The following DNAH6 variants were observed in gnomAD, a reference collection of about 807,000 sequenced individuals.
DNAH6 encodes axonemal beta dynein heavy chain 6.
DNAH6 carries 340 observed loss-of-function variants against 491.4 expected under a neutral mutation model. The observed-to-expected ratio is 0.69, with a 90% CI of 0.63 to 0.76. The LOEUF (loss-of-function observed/expected upper bound fraction) is 0.76, where lower values mean the gene tolerates loss of function less well. Among genes scored for constraint, DNAH6 ranks in the 30% least tolerant of loss-of-function variants. The pLI, the probability that DNAH6 is intolerant of heterozygous loss-of-function variation, is 0.00. For missense variants in DNAH6, 4,443 were observed against 4,972.2 expected (o/e 0.89, Z 3.20); for synonymous variants, 1,603 against 1,686.1 (o/e 0.95, Z 1.21).
chr2:84,496,180 C>A, the DNAH6 span, among the ~76,000 whole-genome samples: 1 of 152,194 alleles, frequency 6.6e-6, no homozygotes, highest in Non-Finnish European at 1.5e-5. Flanking sequence ...AAAACTAAAT[C>A]TTTCAGCAGT....
At chr2:84,581,837 AGAG>A (rs948016785) in intron 14 of DNAH6, among the ~76,000 whole-genome samples, 8 of 152,220 alleles carry the variant, frequency 5.3e-5, no homozygotes, top group African/African-American at 1.9e-4. Flanking sequence ...GGGGACAGTG[AGAG>A]GAGAATGAGG....
At chr2:84,518,078 C>T (rs1324986893) in intron 2 of DNAH6, 27 bp downstream of exon 2, 5 of 1,493,718 alleles carry the variant, frequency 3.3e-6, no homozygotes, top group Non-Finnish European at 3.6e-6. Flanking sequence ...TTGTTTTAGC[C>T]TCTGTAGCCA....
chr2:84,483,242 G>A, the DNAH6 span, among the ~76,000 whole-genome samples: 6 of 152,102 alleles, frequency 3.9e-5, no homozygotes, highest in South Asian at 4.1e-4. Flanking sequence ...GGGATTACAC[G>A]TGTGAACCAC....
intron 46 of DNAH6, among the ~76,000 whole-genome samples, chr2:84,697,100 C>T (rs1229824508): frequency 6.6e-6 from 1 of 152,118 alleles, no homozygotes; most frequent in East Asian, 1.9e-4. Context: ...TTGGTAATCT[C>T]ACTCCTGGGA....
At chr2:84,687,635 C>A (rs1337743950) in intron 44 of DNAH6, among the ~76,000 whole-genome samples, 1 of 152,010 alleles carries the variant, frequency 6.6e-6, no homozygotes, top group African/African-American at 2.4e-5. Flanking sequence ...GGAATACACA[C>A]AGAAAAAAAA....
the DNAH6 span, among the ~76,000 whole-genome samples, chr2:84,468,831 A>C: frequency 2.6e-5 from 4 of 152,210 alleles, no homozygotes; most frequent in Non-Finnish European, 4.4e-5. Flanking sequence ...CATGAACCCT[A>C]AAATTTCTGT....
At chr2:84,464,298 A>AT in the DNAH6 span, among the ~76,000 whole-genome samples, 1 of 152,202 alleles carries the variant, frequency 6.6e-6, no homozygotes, top group Non-Finnish European at 1.5e-5. Flanking sequence ...TCGCCAAAAC[A>AT]TACCATTTAG....
intron 64 of DNAH6, among the ~76,000 whole-genome samples, chr2:84,767,151 T>G (rs1165363077): frequency 6.6e-6 from 1 of 152,196 alleles, no homozygotes; most frequent in Non-Finnish European, 1.5e-5. Flanking sequence ...ACATTAATTT[T>G]AAGATAACTT....
chr2:84,626,654 A>T (rs1272759935), intron 29 of DNAH6, among the ~76,000 whole-genome samples: 1 of 151,924 alleles, frequency 6.6e-6, no homozygotes, highest in African/African-American at 2.4e-5. Context: ...ATTGCCCAGG[A>T]TGCAGTGGCT....
rs1680161993 is a variant in DNAH6, at chr2:84,813,150, A to T, written c.11998+20A>T. On this transcript the variant is annotated intron_variant, in intron 74 of 76. Transcript: ENST00000389394. ...TAACAGGTACCAGCGCTTTCTAGAA[A>T]AACCCCATAGGAATGGCCATGACTT... The T allele has an allele frequency of 1.3e-6, 2 of 1,535,838 alleles. No homozygotes were observed. Among genetic ancestry groups the T allele is most frequent in the Admixed American group, 2.0e-5 (1 of 50,960 alleles).
At chr2:84,786,195 A>G (rs1270763235) in intron 67 of DNAH6, among the ~76,000 whole-genome samples, 5 of 152,176 alleles carry the variant, frequency 3.3e-5, no homozygotes, top group Non-Finnish European at 7.3e-5. Context: ...GGAGGCCAAC[A>G]TGGGCAATTC....
At chr2:84,497,717 CAT>C in the DNAH6 span, among the ~76,000 whole-genome samples, 18 of 152,138 alleles carry the variant, frequency 1.2e-4, no homozygotes, top group African/African-American at 2.7e-4. Flanking sequence ...AGTATGATAA[CAT>C]ATTTTTATGA....
At chr2:84,579,706 A>G (rs1315436208) in intron 14 of DNAH6, 27 bp downstream of exon 14, 8 of 1,522,532 alleles carry the variant, frequency 5.3e-6, no homozygotes, top group African/African-American at 2.8e-5. Flanking sequence ...ATATAACTCA[A>G]TATTCCAGAT....
chr2:84,648,746 A>G (rs1157080462), intron 33 of DNAH6, among the ~76,000 whole-genome samples: 2 of 152,230 alleles, frequency 1.3e-5, no homozygotes, highest in Admixed American at 1.3e-4. Flanking sequence ...CTGAGATGGG[A>G]TCTATTCCTG....
At chr2:84,620,709 G>A (rs908503152) in intron 24 of DNAH6, among the ~76,000 whole-genome samples, 2 of 152,116 alleles carry the variant, frequency 1.3e-5, no homozygotes, top group African/African-American at 4.8e-5. Context: ...AAGAGAAGGG[G>A]GAAGACCAAG....
chr2:84,460,507 A>C, the DNAH6 span, among the ~76,000 whole-genome samples: 1 of 152,234 alleles, frequency 6.6e-6, no homozygotes, highest in Non-Finnish European at 1.5e-5. Context: ...CATTTAATTG[A>C]TAAAATGCAT....
intron 64 of DNAH6, among the ~76,000 whole-genome samples, chr2:84,767,480 C>T (rs1233966291): frequency 1.3e-5 from 2 of 152,016 alleles, no homozygotes; most frequent in Middle Eastern, 3.4e-3. Context: ...GAGCCATGTT[C>T]ATGCTACTGC....
rs544613390 is a variant in DNAH6 at position 84,529,223 on chromosome 2, A to T, written c.662+57A>T. The T allele has an allele frequency of 1.1e-5, 13 of 1,188,722 alleles. No homozygotes were observed. The East Asian group carries it at 3.4e-4, about 31-fold the overall frequency. The allele number at this position is 1,188,722 out of a possible 1,614,324, so 73.6% of individuals were successfully genotyped here. ...AAAAATTACAAATAAGATTTCACAT[A>T]TTATTTATAATTGATTGGATATTAA... On this transcript the variant is annotated intron_variant, in intron 4 of 76. Transcript: ENST00000389394.
chr2:84,476,778 A>C, the DNAH6 span, among the ~76,000 whole-genome samples: 1 of 152,358 alleles, frequency 6.6e-6, no homozygotes, highest in East Asian at 1.9e-4. Flanking sequence ...GCTTTACTGC[A>C]CTACAGAGTG....
Sources: allele counts gnomAD v4.1 joint callset (sites outside exome capture counted in the v4.1 genomes callset), GRCh38; gene constraint gnomAD v4.1.1; transcripts MANE v1.5; gene names NCBI Gene and HGNC (gene_info 2026-07-23, HGNC 2026-07-21).